Variants in HERC4 observed in about 807,000 individuals in gnomAD.
HERC4 encodes the protein HECT and RLD domain containing E3 ubiquitin protein ligase 4.
A neutral mutation model predicts 124.3 loss-of-function variants in HERC4; 28 were observed. That is an observed-to-expected ratio of 0.23 (90% CI 0.17 to 0.31). HERC4 has a LOEUF of 0.31. Ranked by LOEUF, HERC4 falls within the 10% of genes least tolerant of loss-of-function variation. The pLI is 1.00. For missense variants in HERC4, 713 were observed against 1,229.3 expected, an observed-to-expected ratio of 0.58 and a Z score of 6.28; for synonymous variants, 407 against 421.5, an observed-to-expected ratio of 0.97 and a Z score of 0.42.
intron 7 of HERC4, among the ~76,000 whole-genome samples, chr10:68,030,300 G>A (rs1032040657): frequency 5.3e-5 from 8 of 151,834 alleles, no homozygotes; most frequent in Non-Finnish European, 8.8e-5. Flanking sequence ...AAATAGCCGG[G>A]TGTGATCGTG....
Position 68,014,048 on chromosome 10 carries a change from A to C in HERC4, c.1047T>G (p.Asn349Lys), listed in dbSNP as rs536879527. The C allele has an allele frequency of 1.2e-6, 2 of 1,612,144 alleles. No individual in the cohort carries two copies. Among genetic ancestry groups the C allele is most frequent in the Non-Finnish European group, 1.7e-6 (2 of 1,179,166 alleles). The change falls in exon 9 of 25, where the codon AAT (asparagine) becomes AAG (lysine). Residue 349 changes from asparagine to lysine, a missense_variant. By Grantham distance (94) the Asn-to-Lys change is moderately conservative (BLOSUM62 0). Coordinates refer to ENST00000373700, the MANE Select transcript of HERC4 (RefSeq NM_015601.4). ...TACCAATATCTGGTAGACACTGCCCATTATAGGGGTACCAATTTCCTTTTA... is the reference window on the plus strand; with the variant it reads ...TACCAATATCTGGTAGACACTGCCCCTTATAGGGGTACCAATTTCCTTTTA... ...FTVKGNWYPYNGQCLPDIDSE... is the reference protein window; with the variant it reads ...FTVKGNWYPYKGQCLPDIDSE...
At chr10:68,010,519 G>T in intron 9 of HERC4, 1 of 947,008 alleles carries the variant, frequency 1.1e-6, no homozygotes, top group South Asian at 1.4e-5. Flanking sequence ...TGACTGATCT[G>T]CTGCAGTGTG....
At chr10:68,000,911 A>G (rs1211135406) in intron 9 of HERC4, among the ~76,000 whole-genome samples, 1 of 152,146 alleles carries the variant, frequency 6.6e-6, no homozygotes, top group Non-Finnish European at 1.5e-5. Context: ...GAGCCAATAA[A>G]TTTGTATTGT....
intron 19 of HERC4, among the ~76,000 whole-genome samples, chr10:67,947,839 CTTTTTTTTT>C (rs34189806): frequency 9.3e-6 from 1 of 107,304 alleles, no homozygotes; most frequent in Non-Finnish European, 1.8e-5. Context: ...ACAATACACT[CTTTTTTTTT>C]TTTTTTTTTT....
intron 9 of HERC4, among the ~76,000 whole-genome samples, chr10:67,996,359 T>C (rs7077383): frequency 5.3e-5 from 8 of 152,144 alleles, no homozygotes; most frequent in African/African-American, 1.9e-4. Context: ...GTGCACTGTT[T>C]AGGATTATCT....
At chr10:67,977,142 ATCT>A (rs2132584069) in intron 15 of HERC4, among the ~76,000 whole-genome samples, 1 of 152,224 alleles carries the variant, frequency 6.6e-6, no homozygotes. Context: ...TCCAAAAGAG[ATCT>A]TCTCCTTCCA....
intron 24 of HERC4, among the ~76,000 whole-genome samples, chr10:67,924,237 T>C (rs2030597129): frequency 6.6e-6 from 1 of 152,206 alleles, no homozygotes; most frequent in South Asian, 2.1e-4. Context: ...AACAATACAG[T>C]ATAACAACTA....
At chr10:67,964,779 C>T (rs947910544) in intron 16 of HERC4, 3 of 146,210 alleles carry the variant, frequency 2.1e-5, no homozygotes, top group African/African-American at 5.0e-5. Flanking sequence ...TTCTTTCTTT[C>T]TTTTTTTTTT....
rs946993115 is a variant in HERC4, at chr10:68,039,699, C to T, written c.387-1530G>A. ...ACAAAATGCCATTTCTTTGAAATAG[C>T]AAAATCAAACACTGGCAATGCAAAC... is the stretch of plus-strand genomic sequence containing the variant. On this transcript the variant is annotated intron_variant, in intron 4 of 24. Transcript: ENST00000373700. 11 of 1,356,532 alleles carry T rather than the reference C, an allele frequency of 8.1e-6. 1 individual carries two copies. The highest frequency in any genetic ancestry group is 5.6e-4 in the Middle Eastern group (2 of 3,550). 84.0% of individuals were successfully genotyped at this position (1,356,532 alleles called of 1,614,324 possible).
chr10:68,073,342 T>G (rs1244361226), intron 2 of HERC4, among the ~76,000 whole-genome samples, 156 bp from the exon 3 acceptor site: 1 of 152,186 alleles, frequency 6.6e-6, no homozygotes, highest in African/African-American at 2.4e-5. Context: ...AACCAATCAG[T>G]TGTATTTTTT....
chr10:68,019,523 G>A (rs1399077573), intron 8 of HERC4, among the ~76,000 whole-genome samples: 1 of 152,100 alleles, frequency 6.6e-6, no homozygotes, highest in Non-Finnish European at 1.5e-5. Context: ...TAGACAGGGG[G>A]ATTCTTGGAA....
At position 68,032,755 on chromosome 10, in the gene HERC4, A is replaced by T. The variant is rs78946347; in HGVS notation, c.777+23T>A. The T allele has an allele frequency of 1.3e-3, 1,509 of 1,184,640 alleles. 22 individuals carry two copies. The African/African-American group carries it at 0.02, about 16-fold the overall frequency. The allele number at this position is 1,184,640 out of a possible 1,614,324, so 73.4% of individuals were successfully genotyped here. ...GAAAGAACTATGATGAGTAATAATAAAGAAGTTTTAGAAGTACAATACCTT... is the reference window on the plus strand; with the variant it reads ...GAAAGAACTATGATGAGTAATAATATAGAAGTTTTAGAAGTACAATACCTT... On this transcript the variant is annotated intron_variant, in intron 7 of 24. Coordinates refer to ENST00000373700, the MANE Select transcript of HERC4 (RefSeq NM_015601.4).
At position 68,032,829 on chromosome 10, in the gene HERC4, C is replaced by G. The variant is rs772569499; in HGVS notation, c.726G>C (p.Gln242His). 3 of 1,583,354 alleles carry G rather than the reference C, an allele frequency of 1.9e-6. No homozygotes were observed. In the African/African-American group the frequency reaches 4.0e-5, roughly 21 times the overall value. The change falls in exon 7 of 25, where the codon CAG becomes CAC. Residue 242 changes from glutamine (Q) to histidine (H), a missense_variant. Coordinates refer to ENST00000373700, the MANE Select transcript of HERC4 (RefSeq NM_015601.4). ...VPNLLKSLRS[Q>H]KIVYICCGED... is the part of the protein sequence containing the mutation. ...CTCCACAACAAATATAAACTATTTT[C>G]TGAGATCTTAGTGACTTTAGTAAAT...
At chr10:68,045,800 G>T (rs1311765131) in intron 3 of HERC4, among the ~76,000 whole-genome samples, 1 of 152,160 alleles carries the variant, frequency 6.6e-6, no homozygotes, top group Admixed American at 6.6e-5. Context: ...ATCAATCAGG[G>T]TTTCTTCAGA....
At chr10:68,049,603 A>AAAAC (rs1351797597) in intron 3 of HERC4, among the ~76,000 whole-genome samples, 2 of 150,978 alleles carry the variant, frequency 1.3e-5, no homozygotes, top group African/African-American at 4.9e-5. Context: ...AAAAAAAAAA[A>AAAAC]AAAAAAAAAA....
At chr10:68,003,061 A>G (rs2037323810) in intron 9 of HERC4, among the ~76,000 whole-genome samples, 1 of 152,086 alleles carries the variant, frequency 6.6e-6, no homozygotes, top group East Asian at 1.9e-4. Context: ...TTCCAATAAT[A>G]TATTTATTTT....
At chr10:67,948,743 A>T (rs1226422866) in intron 19 of HERC4, among the ~76,000 whole-genome samples, 2 of 151,904 alleles carry the variant, frequency 1.3e-5, no homozygotes, top group African/African-American at 4.8e-5. Context: ...CAACATGCCA[A>T]AACACTGTCT....
rs111396531 is a variant in HERC4 at position 68,019,663 on chromosome 10, T to C, written c.909-5477A>G. 3.9e-5 allele frequency among the ~76,000 whole-genome samples: 6 copies of C among 152,138 alleles called. 1 individual carries two copies. Among genetic ancestry groups the C allele is most frequent in the Admixed American group, 1.3e-4 (2 of 15,284 alleles). ...CGGTTTGTTATTTCCAAGAGAAGAG[T>C]TGGATGGCAAATTCTGGTTAATTTC... On this transcript the variant is annotated intron_variant, in intron 8 of 24. Transcript: ENST00000373700.
At chr10:68,066,028 C>T (rs2041285585) in intron 3 of HERC4, among the ~76,000 whole-genome samples, 2 of 151,800 alleles carry the variant, frequency 1.3e-5, no homozygotes, top group Non-Finnish European at 2.9e-5. Flanking sequence ...CAACCATGAG[C>T]TCATTAATAT....
Sources: gnomAD v4.1 joint callset for allele counts (sites outside exome capture counted in the v4.1 genomes callset) on GRCh38, gnomAD v4.1.1 for gene constraint, MANE v1.5 for transcripts, NCBI Gene and HGNC (gene_info 2026-07-23, HGNC 2026-07-21) for gene names.